Variants in GRB10 observed in about 807,000 individuals in gnomAD.
GRB10 encodes the protein growth factor receptor-bound protein 10.
In GRB10, 20 loss-of-function variants were observed where a neutral mutation model predicts 80.9. The ratio of observed to expected loss-of-function variants is 0.25; its 90% CI spans 0.17 to 0.36. The LOEUF (loss-of-function observed/expected upper bound fraction) is 0.36, where lower values mean the gene tolerates loss of function less well. Ranked by LOEUF, GRB10 falls within the 10% of genes least tolerant of loss-of-function variation. GRB10 has a pLI of 1.00. For missense variants in GRB10, 548 were observed against 747.7 expected (o/e 0.73, Z 3.12); for synonymous variants, 291 against 291.5 (o/e 1.00, Z 0.02).
rs976515589 is a variant in GRB10 at position 50,592,314 on chromosome 7, CTTTTA to C, written c.*633_*637del. The C allele has an allele frequency of 6.4e-6, 1 of 156,810 alleles. No individual in the cohort carries two copies. The highest frequency in any genetic ancestry group is 1.9e-4 in the East Asian group (1 of 5,296). 9.7% of individuals were successfully genotyped at this position (156,810 alleles called of 1,614,324 possible). A position where few individuals can be genotyped will look rare whatever the true frequency, so the allele number is the denominator to read the frequency against. On this transcript the variant is annotated 3_prime_UTR_variant, in exon 19 of 19. Transcript: ENST00000401949. ...TGCCAAATGCCTACCACAGTGACAC[CTTTTA>C]TTTTAACAAGAAAGCTTTTCAAGTA...
At chr7:50,644,289 C>A (rs929837056) in intron 7 of GRB10, among the ~76,000 whole-genome samples, 12 of 152,122 alleles carry the variant, frequency 7.9e-5, no homozygotes, top group African/African-American at 2.9e-4. Context: ...GTTCACCTGC[C>A]CAGTGAGGTC....
upstream of GRB10, among the ~76,000 whole-genome samples, chr7:50,784,321 GCTTT>G (rs1187140964): frequency 6.6e-6 from 1 of 152,202 alleles, no homozygotes; most frequent in Non-Finnish European, 1.5e-5. Flanking sequence ...GGAGAACTTG[GCTTT>G]CCTTCCAGAC....
At chr7:50,623,640 A>C (rs2052316788) in intron 8 of GRB10, among the ~76,000 whole-genome samples, 1 of 152,238 alleles carries the variant, frequency 6.6e-6, no homozygotes, top group African/African-American at 2.4e-5. Context: ...TCTCCCGCAG[A>C]AAGGGAACCA....
At chr7:50,697,439 C>T (rs1272226812) in intron 5 of GRB10, among the ~76,000 whole-genome samples, 1 of 152,162 alleles carries the variant, frequency 6.6e-6, no homozygotes, top group Admixed American at 6.5e-5. Context: ...TTTTTAGCAA[C>T]TGTCACACAA....
intron 17 of GRB10, among the ~76,000 whole-genome samples, chr7:50,602,654 T>C (rs2047805424): frequency 6.6e-6 from 1 of 152,258 alleles, no homozygotes; most frequent in Non-Finnish European, 1.5e-5. Context: ...GTATAGCATC[T>C]AAATGCCATT....
chr7:50,634,644 C>A (rs895926476), intron 7 of GRB10, among the ~76,000 whole-genome samples: 4 of 152,282 alleles, frequency 2.6e-5, no homozygotes, highest in Admixed American at 2.0e-4. Context: ...CTACAAGAGA[C>A]CCACCTAACG....
At chr7:50,748,563 T>G (rs752671488) in intron 3 of GRB10, among the ~76,000 whole-genome samples, 6 of 152,210 alleles carry the variant, frequency 3.9e-5, no homozygotes, top group Non-Finnish European at 8.8e-5. Flanking sequence ...CAAGCCTTTG[T>G]GGAACATTTA....
chr7:50,642,424 AAC>A (rs1483441562), intron 7 of GRB10, among the ~76,000 whole-genome samples: 3 of 152,086 alleles, frequency 2.0e-5, no homozygotes, highest in African/African-American at 4.8e-5. Context: ...AACATGCACA[AAC>A]ACATACACAC....
At chr7:50,622,073 A>C (rs1247129698) in intron 8 of GRB10, among the ~76,000 whole-genome samples, 1 of 152,216 alleles carries the variant, frequency 6.6e-6, no homozygotes, top group African/African-American at 2.4e-5. Flanking sequence ...CCTGCCCATC[A>C]TTCCTCAGCA....
chr7:50,784,145 C>T (rs563445902), upstream of GRB10, among the ~76,000 whole-genome samples: 23 of 152,302 alleles, frequency 1.5e-4, no homozygotes, highest in African/African-American at 5.1e-4. Flanking sequence ...GGTGTTAGCG[C>T]TTTTGACTCT....
chr7:50,729,326 T>C (rs1474891032), intron 4 of GRB10: 2 of 152,264 alleles, frequency 1.3e-5, no homozygotes, highest in Non-Finnish European at 2.9e-5. Flanking sequence ...AGTTGTTTCA[T>C]TTCTAATGCT....
intron 3 of GRB10, among the ~76,000 whole-genome samples, chr7:50,737,669 T>C (rs2071037652): frequency 6.6e-6 from 1 of 152,072 alleles, no homozygotes; most frequent in Non-Finnish European, 1.5e-5. Context: ...GCCAACATGG[T>C]GAAACCCCAT....
chr7:50,598,087 T>C (rs528438085), intron 17 of GRB10, among the ~76,000 whole-genome samples: 2 of 152,208 alleles, frequency 1.3e-5, no homozygotes, highest in East Asian at 3.9e-4. Flanking sequence ...TGGTCTCAAA[T>C]TCCTGACCTC....
intron 8 of GRB10, among the ~76,000 whole-genome samples, chr7:50,626,083 TATTAG>T (rs2052832520): frequency 6.6e-6 from 1 of 152,236 alleles, no homozygotes; most frequent in Non-Finnish European, 1.5e-5. Flanking sequence ...GAACTATATT[TATTAG>T]ATAAGAATTT....
chr7:50,665,088 T>G (rs939757079), intron 7 of GRB10, among the ~76,000 whole-genome samples: 2 of 152,258 alleles, frequency 1.3e-5, no homozygotes, highest in Admixed American at 1.3e-4. Flanking sequence ...TACCTTCCAA[T>G]GAAAGTCACT....
intron 4 of GRB10, among the ~76,000 whole-genome samples, chr7:50,718,752 C>G (rs751871862): frequency 6.6e-6 from 1 of 152,128 alleles, no homozygotes; most frequent in Non-Finnish European, 1.5e-5. Flanking sequence ...TTGTAACCGT[C>G]GAAACCCTGA....
At chr7:50,702,647 G>A (rs2064409873) in intron 5 of GRB10, among the ~76,000 whole-genome samples, 1 of 152,178 alleles carries the variant, frequency 6.6e-6, no homozygotes, top group Non-Finnish European at 1.5e-5. Context: ...ATACATCCAA[G>A]ACTCAGTTTC....
At chr7:50,710,520 A>G (rs1305687213) in intron 4 of GRB10, among the ~76,000 whole-genome samples, 1 of 152,192 alleles carries the variant, frequency 6.6e-6, no homozygotes, top group Non-Finnish European at 1.5e-5. Flanking sequence ...GAACCAGGGT[A>G]TGTTGTTCAT....
At chr7:50,673,920 C>T (rs1018614852) in intron 6 of GRB10, among the ~76,000 whole-genome samples, 2 of 152,334 alleles carry the variant, frequency 1.3e-5, no homozygotes, top group East Asian at 1.9e-4. Flanking sequence ...CCTCCCTCAA[C>T]GTCCCCAGCA....
Sources: gnomAD v4.1 joint callset for allele counts (sites outside exome capture counted in the v4.1 genomes callset) on GRCh38, gnomAD v4.1.1 for gene constraint, MANE v1.5 for transcripts, NCBI Gene and HGNC (gene_info 2026-07-23, HGNC 2026-07-21) for gene names.